MYBPC1: variants seen among roughly 807,000 people sequenced by gnomAD.
The protein encoded by MYBPC1 is myosin binding protein C1, also known as myosin-binding protein C, slow-type.
A neutral mutation model predicts 147.1 loss-of-function variants in MYBPC1; 52 were observed. That is an observed-to-expected ratio of 0.35 (90% CI 0.28 to 0.45). The LOEUF (loss-of-function observed/expected upper bound fraction) is 0.45, where lower values mean the gene tolerates loss of function less well. Ranked by LOEUF, MYBPC1 falls within the 20% of genes least tolerant of loss-of-function variation. MYBPC1 has a pLI of 1.00. For missense variants in MYBPC1, 1,228 were observed against 1,440.3 expected (o/e 0.85, Z 2.39); for synonymous variants, 477 against 475.9 (o/e 1.00, Z -0.03).
Position 101,600,966 on chromosome 12 carries a change from A to G in MYBPC1, c.25+5871A>G, listed in dbSNP as rs1321384602. On this transcript the variant is annotated intron_variant, in intron 1 of 31. Coordinates refer to ENST00000361466, the MANE Select transcript of MYBPC1 (RefSeq NM_002465.4). ...TATTCCATGTTAGTTCTTGATGGAAACAGATGTCTTTTCTGGAATCCATGG... is the reference window on the plus strand; with the variant it reads ...TATTCCATGTTAGTTCTTGATGGAAGCAGATGTCTTTTCTGGAATCCATGG... Among the ~76,000 whole-genome samples, 6 of 152,328 alleles carry G rather than the reference A, an allele frequency of 3.9e-5. No homozygotes were observed. The East Asian group carries it at 1.2e-3, about 29-fold the overall frequency.
At position 101,667,843 on chromosome 12, in the gene MYBPC1, C is replaced by G; in HGVS notation, c.2468C>G (p.Ala823Gly). 1 of 1,614,150 alleles carries G rather than the reference C, an allele frequency of 6.2e-7. No individual in the cohort carries two copies. The highest frequency in any genetic ancestry group is 8.5e-7 in the Non-Finnish European group (1 of 1,180,032). The change falls in exon 23 of 32, where the codon GCT becomes GGT. Residue 823 changes from alanine (A) to glycine (G), a missense_variant. Transcript: ENST00000361466. ...IFVRVKAVNA[A>G]GASEPKYYSQ... ...GTGCGTGTGAAGGCTGTTAATGCAG[C>G]TGGTGCCAGCGAGCCCAAGTACTAT...
chr12:101,661,571 G>T (rs1296989131), intron 20 of MYBPC1, among the ~76,000 whole-genome samples: 1 of 152,022 alleles, frequency 6.6e-6, no homozygotes, highest in Non-Finnish European at 1.5e-5. Flanking sequence ...ACATGATTTT[G>T]TCTATGAAGA....
intron 19 of MYBPC1, 119 bp downstream of exon 19, chr12:101,659,950 T>G: frequency 7.4e-7 from 1 of 1,345,772 alleles, no homozygotes; most frequent in Non-Finnish European, 1.0e-6. Context: ...TTATCTTCTT[T>G]TTTTTTCTTG....
At chr12:101,610,111 C>G (rs959529310) in intron 1 of MYBPC1, among the ~76,000 whole-genome samples, 3 of 152,170 alleles carry the variant, frequency 2.0e-5, no homozygotes, top group African/African-American at 7.2e-5. Flanking sequence ...ACCTGCAACA[C>G]TTCATTTTCC....
rs140236430 is a variant in MYBPC1, at chr12:101,638,952, G to A, written c.665+2224G>A. 2.6e-3 allele frequency among the ~76,000 whole-genome samples: 383 copies of A among 149,192 alleles called. 1 individual carries two copies. Among genetic ancestry groups the A allele is most frequent in the African/African-American group, 9.1e-3 (371 of 40,800 alleles). On this transcript the variant is annotated intron_variant, in intron 10 of 31. Transcript: ENST00000361466. ...GTTTTCCTACTAGTGAGTTGCATGC[G>A]TTTTCATTGCGGTAATGACATATGG...
intron 5 of MYBPC1, 43 bp downstream of exon 5, chr12:101,627,847 A>G: frequency 1.9e-6 from 3 of 1,576,072 alleles, no homozygotes; most frequent in South Asian, 2.2e-5. Flanking sequence ...TCATCCTAAT[A>G]CAATCACTAA....
At chr12:101,608,568 C>A (rs1883118935) in intron 1 of MYBPC1, among the ~76,000 whole-genome samples, 2 of 152,186 alleles carry the variant, frequency 1.3e-5, no homozygotes, top group South Asian at 4.1e-4. Context: ...AGAGAGCTTG[C>A]CAAAGGTGGG....
chr12:101,672,908 A>G (rs532380817), intron 24 of MYBPC1, among the ~76,000 whole-genome samples: 1 of 152,294 alleles, frequency 6.6e-6, no homozygotes, highest in South Asian at 2.1e-4. Context: ...AAGCTTTCTC[A>G]GCACTTTAAT....
chr12:101,627,048 A>G, intron 4 of MYBPC1, 138 bp downstream of exon 4: 1 of 758,918 alleles, frequency 1.3e-6, no homozygotes, highest in Non-Finnish European at 2.2e-6. Flanking sequence ...GCTGGCACCA[A>G]GAAGGAAATG....
At chr12:101,674,435 A>G (rs1899403925) in intron 25 of MYBPC1, among the ~76,000 whole-genome samples, 1 of 152,206 alleles carries the variant, frequency 6.6e-6, no homozygotes, top group Non-Finnish European at 1.5e-5. Context: ...TGATCCTGCC[A>G]GAGTAGTTAG....
At chr12:101,649,174 T>A (rs1350726132) in intron 14 of MYBPC1, 86 bp from the exon 15 acceptor site, 15 of 1,218,308 alleles carry the variant, frequency 1.2e-5, no homozygotes, top group Non-Finnish European at 1.7e-5. Flanking sequence ...CAGAAATTCT[T>A]CAGGATATTG....
At chr12:101,668,014 TGTTAATG>T in intron 23 of MYBPC1, 115 bp downstream of exon 23, 2 of 1,065,280 alleles carry the variant, frequency 1.9e-6, no homozygotes, top group Middle Eastern at 3.0e-4. Flanking sequence ...TTTGATATTT[TGTTAATG>T]CTTTAATGCT....
At chr12:101,619,827 C>A (rs909869329) in intron 3 of MYBPC1, among the ~76,000 whole-genome samples, 5 of 152,280 alleles carry the variant, frequency 3.3e-5, no homozygotes, top group Admixed American at 1.3e-4. Flanking sequence ...GAATATTATT[C>A]ATCGCAATCC....
At chr12:101,685,045 A>G (rs1445282043) in intron 31 of MYBPC1, among the ~76,000 whole-genome samples, 1 of 152,150 alleles carries the variant, frequency 6.6e-6, no homozygotes, top group Non-Finnish European at 1.5e-5. Context: ...CGGTCTTATT[A>G]TTATAATTTT....
chr12:101,607,709 G>T (rs1039660768), intron 1 of MYBPC1, among the ~76,000 whole-genome samples: 2 of 152,002 alleles, frequency 1.3e-5, no homozygotes, highest in Non-Finnish European at 2.9e-5. Context: ...GGTATATAAG[G>T]GCCCATAAGA....
At chr12:101,676,512 T>C (rs1900023023) in intron 26 of MYBPC1, among the ~76,000 whole-genome samples, 1 of 152,120 alleles carries the variant, frequency 6.6e-6, no homozygotes, top group African/African-American at 2.4e-5. Flanking sequence ...CCCAGCACTT[T>C]GGAAGGCTGA....
At chr12:101,646,947 A>G in intron 13 of MYBPC1, 60 bp downstream of exon 13, 1 of 1,597,842 alleles carries the variant, frequency 6.3e-7, no homozygotes, top group South Asian at 1.1e-5. Flanking sequence ...TCCCAGGGAT[A>G]ATGATCAAAG....
Position 101,647,937 on chromosome 12 carries a change from C to A in MYBPC1, c.1091-108C>A. 4.7e-6 allele frequency: 4 copies of A among 854,350 alleles called. No homozygotes were observed. The East Asian group carries it at 1.1e-4, about 23-fold the overall frequency. 52.9% of individuals were successfully genotyped at this position (854,350 alleles called of 1,614,324 possible). A position where few individuals can be genotyped will look rare whatever the true frequency, so the allele number is the denominator to read the frequency against. ...CACTTACTGTTATCACCATGTCAAC[C>A]ATAGATGTTGCTTTCTCACTGTTGG... is the stretch of plus-strand genomic sequence containing the variant. On this transcript the variant is annotated intron_variant, in intron 13 of 31. Coordinates refer to ENST00000361466, the MANE Select transcript of MYBPC1 (RefSeq NM_002465.4).
chr12:101,621,581 A>G (rs919658248), intron 3 of MYBPC1, among the ~76,000 whole-genome samples: 5 of 152,240 alleles, frequency 3.3e-5, no homozygotes, highest in African/African-American at 1.2e-4. Context: ...TGTCTCAGTC[A>G]AACAAGGTAT....
Sources: gnomAD v4.1 joint callset for allele counts (sites outside exome capture counted in the v4.1 genomes callset) on GRCh38, gnomAD v4.1.1 for gene constraint, MANE v1.5 for transcripts, NCBI Gene and HGNC (gene_info 2026-07-23, HGNC 2026-07-21) for gene names.